DEFB127: variants seen among roughly 807,000 people sequenced by gnomAD.
DEFB127 encodes beta-defensin 127.
DEFB127 carries 2 observed loss-of-function variants against 2.4 expected under a neutral mutation model. The ratio of observed to expected loss-of-function variants is 0.82; its 90% CI spans 0.34 to 2.58. The LOEUF is 2.58. DEFB127 is among the 30% of genes most tolerant of loss of function. The pLI, the probability that DEFB127 is intolerant of heterozygous loss-of-function variation, is 0.11. For synonymous variants in DEFB127, 37 were observed against 39.8 expected, an observed-to-expected ratio of 0.93 and a Z score of 0.26; for missense variants, 110 against 113.2, an observed-to-expected ratio of 0.97 and a Z score of 0.13.
rs2054714019 is a variant in DEFB127 at position 158,896 on chromosome 20, A to G, written c.172A>G (p.Lys58Glu). 6.2e-7 allele frequency: 1 copy of G among 1,613,852 alleles called. No homozygotes were observed. Among genetic ancestry groups the G allele is most frequent in the East Asian group, 2.2e-5 (1 of 44,878 alleles). The change falls in exon 2 of 2, where the codon AAG (lysine) becomes GAG (glutamate). Residue 58 changes from lysine to glutamate, a missense_variant. Lys to Glu is a moderately conservative substitution (Grantham distance 56). Coordinates refer to ENST00000382388, the MANE Select transcript of DEFB127 (RefSeq NM_139074.4). Reference sequence around the variant, plus strand: ...TGGGAGATACTGTTGCCTCAATATCAAGGAACTGGAAGCATGTAAAAAAAT... The same window carrying G: ...TGGGAGATACTGTTGCCTCAATATCGAGGAACTGGAAGCATGTAAAAAAAT... ...ENGRYCCLNI[K>E]ELEACKKITK...
intron 1 of DEFB127, among the ~76,000 whole-genome samples, chr20:157,925 A>G (rs2054709089): frequency 4.4e-5 from 1 of 22,550 alleles, no homozygotes; most frequent in Admixed American, 5.7e-4. Context: ...TTACTCAAAT[A>G]TATATATGTG....
intron 1 of DEFB127, 127 bp from the exon 2 acceptor site, chr20:158,647 A>G: frequency 1.1e-6 from 1 of 902,150 alleles, no homozygotes; most frequent in Middle Eastern, 3.4e-4. Context: ...TCTTCAGAAT[A>G]TATGAGGGTC....
Position 159,081 on chromosome 20 carries a change from A to T in DEFB127, c.*57A>T. On this transcript the variant is annotated 3_prime_UTR_variant, in exon 2 of 2. Coordinates refer to ENST00000382388, the MANE Select transcript of DEFB127 (RefSeq NM_139074.4). ...CAACCTAGTCTAATAAACTAAGGTG[A>T]TGAGATATACATCTTCTTCCTTTTG... 6.6e-7 allele frequency: 1 copy of T among 1,519,400 alleles called. No homozygotes were observed. Among genetic ancestry groups the T allele is most frequent in the Non-Finnish European group, 8.9e-7 (1 of 1,128,824 alleles). The allele number at this position is 1,519,400 out of a possible 1,614,324, so 94.1% of individuals were successfully genotyped here.
intron 1 of DEFB127, 125 bp from the exon 2 acceptor site, chr20:158,649 A>G (rs1401060653): frequency 2.2e-6 from 2 of 916,556 alleles, no homozygotes; most frequent in East Asian, 2.6e-5. Context: ...TTCAGAATAT[A>G]TGAGGGTCTG....
Position 157,583 on chromosome 20 carries a change from GAAACCCACAGGT to G in DEFB127, c.45_49+7del. On this transcript the variant is annotated splice_donor_variant and coding_sequence_variant, in exon 1 of 2. Transcript: ENST00000382388. LOFTEE classifies it high-confidence loss of function. The stretch of plus-strand genomic sequence containing the variant: ...TGATCATTGCAATTCTGCTGTTCCA[GAAACCCACAGGT>G]AAACCAAACCAGAAGCTCACTCAAA... The G allele has an allele frequency of 6.2e-7, 1 of 1,613,908 alleles. No homozygotes were observed. The highest frequency in any genetic ancestry group is 1.1e-5 in the South Asian group (1 of 91,080).
At chr20:158,675 A>G (rs2054712691) in intron 1 of DEFB127, 99 bp from the exon 2 acceptor site, 1 of 1,243,874 alleles carries the variant, frequency 8.0e-7, no homozygotes, top group Non-Finnish European at 1.1e-6. Flanking sequence ...TGGATACCCC[A>G]TACCCCTAAT....
At position 158,352 on chromosome 20, in the gene DEFB127, A is replaced by C. The variant is rs138114021; in HGVS notation, c.50-422A>C. 1.5e-3 allele frequency among the ~76,000 whole-genome samples: 227 copies of C among 152,298 alleles called. 1 individual carries two copies. The highest frequency in any genetic ancestry group is 2.4e-3 in the Non-Finnish European group (162 of 68,028). ...CTCAGGAGAACAGTTTGATTCAGAC[A>C]TAAACACATAGTAACAATACATTGT... On this transcript the variant is annotated intron_variant, in intron 1 of 1. Coordinates refer to ENST00000382388, the MANE Select transcript of DEFB127 (RefSeq NM_139074.4).
chr20:158,805 CTA>C lies in DEFB127; in HGVS notation c.83_84del (p.Tyr28CysfsTer13). On this transcript the variant is annotated frameshift_variant, in exon 2 of 2. Coordinates refer to ENST00000382388, the MANE Select transcript of DEFB127 (RefSeq NM_139074.4). LOFTEE classifies it low-confidence loss of function (END_TRUNC). ...TEQLKKCWNN[Y>X]VQGHCRKICR... ...AACAACTTAAGAAGTGCTGGAATAA[CTA>C]TGTACAAGGACATTGCAGGAAAATC... The C allele has an allele frequency of 6.2e-7, 1 of 1,613,212 alleles. No homozygotes were observed. Among genetic ancestry groups the C allele is most frequent in the Non-Finnish European group, 8.5e-7 (1 of 1,179,510 alleles).
rs1438996756 is a variant in DEFB127, at chr20:159,130, T to G, written c.*106T>G. 7 of 1,276,098 alleles carry G rather than the reference T, an allele frequency of 5.5e-6. No individual in the cohort carries two copies. Among genetic ancestry groups the G allele is most frequent in the Non-Finnish European group, 7.5e-6 (7 of 939,184 alleles). 79.0% of individuals were successfully genotyped at this position (1,276,098 alleles called of 1,614,324 possible). A position where few individuals can be genotyped will look rare whatever the true frequency, so the allele number is the denominator to read the frequency against. On this transcript the variant is annotated 3_prime_UTR_variant, in exon 2 of 2. Transcript: ENST00000382388. The stretch of plus-strand genomic sequence containing the variant: ...TGGTTTCTTGATCCTTAAAATGACC[T>G]TCGAGCATATTCTAATAAAGTGCAT...
rs1173131793 is a variant in DEFB127 at position 157,573 on chromosome 20, T to C, written c.29T>C (p.Leu10Pro). Residue 10 changes from leucine to proline, a missense_variant, in exon 1 of 2, where the codon CTG (leucine) becomes CCG (proline). Physicochemically the swap from Leu to Pro is moderately conservative, Grantham distance 98 (BLOSUM62 -3). Coordinates refer to ENST00000382388, the MANE Select transcript of DEFB127 (RefSeq NM_139074.4). ...GGGCTCTTCATGATCATTGCAATTCTGCTGTTCCAGAAACCCACAGGTAAA... is the reference window on the plus strand; with the variant it reads ...GGGCTCTTCATGATCATTGCAATTCCGCTGTTCCAGAAACCCACAGGTAAA... MGLFMIIAI[L>P]LFQKPTVTEQ... The C allele has an allele frequency of 4.3e-6, 7 of 1,613,996 alleles. No individual in the cohort carries two copies. The Admixed American group carries it at 1.0e-4, about 23-fold the overall frequency.
chr20:158,904 G>A lies in DEFB127; in HGVS notation c.180G>A (p.Leu60=). ...ACTGTTGCCTCAATATCAAGGAACT[G>A]GAAGCATGTAAAAAAATTACAAAGC... ...GRYCCLNIKE[L]EACKKITKPP... Residue 60 remains leucine, a synonymous_variant, in exon 2 of 2, where the codon CTG becomes CTA. Transcript: ENST00000382388. 1.2e-6 allele frequency: 2 copies of A among 1,613,740 alleles called. No homozygotes were observed. The highest frequency in any genetic ancestry group is 1.1e-5 in the South Asian group (1 of 91,070).
Position 158,810 on chromosome 20 carries a change from T to C in DEFB127, c.86T>C (p.Val29Ala), listed in dbSNP as rs2123028654. The C allele has an allele frequency of 1.9e-6, 3 of 1,613,468 alleles. No homozygotes were observed. Among genetic ancestry groups the C allele is most frequent in the African/African-American group, 1.3e-5 (1 of 75,032 alleles). The change falls in exon 2 of 2, where the codon GTA becomes GCA. Residue 29 changes from valine (V) to alanine (A), a missense_variant. Val to Ala is a moderately conservative substitution (Grantham distance 64). Coordinates refer to ENST00000382388, the MANE Select transcript of DEFB127 (RefSeq NM_139074.4). The part of the protein sequence containing the change: ...EQLKKCWNNY[V>A]QGHCRKICRV... ...CTTAAGAAGTGCTGGAATAACTATGTACAAGGACATTGCAGGAAAATCTGC... is the reference window on the plus strand; with the variant it reads ...CTTAAGAAGTGCTGGAATAACTATGCACAAGGACATTGCAGGAAAATCTGC...
rs1192556496 is a variant in DEFB127, at chr20:158,791, A to G, written c.67A>G (p.Lys23Glu). The G allele has an allele frequency of 3.7e-6, 6 of 1,612,138 alleles. No homozygotes were observed. Among genetic ancestry groups the G allele is most frequent in the African/African-American group, 1.3e-5 (1 of 74,806 alleles). The change falls in exon 2 of 2, where the codon AAG (lysine) becomes GAG (glutamate). Residue 23 changes from lysine to glutamate, a missense_variant. Coordinates refer to ENST00000382388, the MANE Select transcript of DEFB127 (RefSeq NM_139074.4). ...GTGTATAGTAACCGAACAACTTAAG[A>G]AGTGCTGGAATAACTATGTACAAGG... ...QKPTVTEQLK[K>E]CWNNYVQGHC...
In DEFB127 at chr20:158,970, A is replaced by C. The variant is rs752080511; in HGVS notation, c.246A>C (p.Gln82His). Reference protein sequence around the residue: ...PKPATLALTLQDYVTIIENFP... With the variant: ...PKPATLALTLHDYVTIIENFP... ...CAGCAACACTTGCACTGACTCTTCA[A>C]GACTATGTTACAATAATAGAAAATT... is the stretch of plus-strand genomic sequence containing the variant. Residue 82 changes from glutamine (Q) to histidine (H), a missense_variant, in exon 2 of 2, where the codon CAA becomes CAC. Physicochemically the swap from Gln to His is conservative, Grantham distance 24. Coordinates refer to ENST00000382388, the MANE Select transcript of DEFB127 (RefSeq NM_139074.4). The C allele has an allele frequency of 6.2e-7, 1 of 1,613,076 alleles. No individual in the cohort carries two copies. Among genetic ancestry groups the C allele is most frequent in the Non-Finnish European group, 8.5e-7 (1 of 1,179,546 alleles).
In DEFB127 at chr20:158,910, A is replaced by G. The variant is rs1408692004; in HGVS notation, c.186A>G (p.Ala62=). 2 of 1,613,852 alleles carry G rather than the reference A, an allele frequency of 1.2e-6. No individual in the cohort carries two copies. Among genetic ancestry groups the G allele is most frequent in the East Asian group, 2.2e-5 (1 of 44,872 alleles). The part of the protein sequence containing the change: ...YCCLNIKELE[A]CKKITKPPRP... ...GCCTCAATATCAAGGAACTGGAAGC[A>G]TGTAAAAAAATTACAAAGCCACCTC... The change falls in exon 2 of 2, where the codon GCA becomes GCG. Residue 62 remains alanine, a synonymous_variant. Coordinates refer to ENST00000382388, the MANE Select transcript of DEFB127 (RefSeq NM_139074.4).
chr20:158,604 A>G (rs2054712474), intron 1 of DEFB127, among the ~76,000 whole-genome samples, 170 bp from the exon 2 acceptor site: 1 of 152,190 alleles, frequency 6.6e-6, no homozygotes, highest in East Asian at 1.9e-4. Context: ...CCAGTTAAAT[A>G]CAAACACTGA....
Position 157,524 on chromosome 20 carries a change from C to T in DEFB127, c.-21C>T, listed in dbSNP as rs140500996. The T allele has an allele frequency of 8.9e-3, 14,069 of 1,586,898 alleles. 105 individuals carry two copies. The highest frequency in any genetic ancestry group is 0.012 in the Middle Eastern group (73 of 5,992). Reference sequence around the variant, plus strand: ...CACTGGACCAAAAGCTTTGGCTGCACCTCTTCTGGAAAGCCTGGCCATGGG... The same window carrying T: ...CACTGGACCAAAAGCTTTGGCTGCATCTCTTCTGGAAAGCCTGGCCATGGG... On this transcript the variant is annotated 5_prime_UTR_variant, in exon 1 of 2. Coordinates refer to ENST00000382388, the MANE Select transcript of DEFB127 (RefSeq NM_139074.4).
intron 1 of DEFB127, among the ~76,000 whole-genome samples, chr20:157,853 T>C (rs1457242191): frequency 6.6e-6 from 1 of 152,138 alleles, no homozygotes; most frequent in Non-Finnish European, 1.5e-5. Context: ...GATGCCAATA[T>C]CTAGGGATAC....
chr20:157,665 T>A, intron 1 of DEFB127, 72 bp downstream of exon 1: 2 of 1,534,534 alleles, frequency 1.3e-6, no homozygotes, highest in Non-Finnish European at 1.8e-6. Context: ...GGGAACTTCA[T>A]AATCCACACT....
Sources: gnomAD v4.1 joint callset for allele counts (sites outside exome capture counted in the v4.1 genomes callset) on GRCh38, gnomAD v4.1.1 for gene constraint, MANE v1.5 for transcripts, NCBI Gene and HGNC (gene_info 2026-07-23, HGNC 2026-07-21) for gene names.